The following SLC45A3 variants were observed in gnomAD, a reference collection of about 807,000 sequenced individuals.
SLC45A3 encodes solute carrier family 45 member 3, also known as prostate cancer associated protein 2.
Under a neutral mutation model 35.3 loss-of-function variants are expected in SLC45A3, and 17 were observed. That is an observed-to-expected ratio of 0.48 (90% CI 0.33 to 0.72). The LOEUF is 0.72. Ranked by LOEUF, SLC45A3 falls within the 30% of genes least tolerant of loss-of-function variation. The probability of loss-of-function intolerance (pLI) is 0.02; values close to 1 mark genes in which losing one functional copy is unlikely to be tolerated. For synonymous variants in SLC45A3, 288 were observed against 334.3 expected (o/e 0.86, Z 1.51); for missense variants, 597 against 731.7 (o/e 0.82, Z 2.12).
chr1:205,662,773 C>A lies in SLC45A3; in HGVS notation c.958+60G>T. 6.6e-7 allele frequency: 1 copy of A among 1,518,994 alleles called. No individual in the cohort carries two copies. The allele number at this position is 1,518,994 out of a possible 1,614,324, so 94.1% of individuals were successfully genotyped here. ...AGAGGCACCAGCCCAGACACAGCCC[C>A]GAGTGTCGTCTCTGGTGGGCGGCTC... On this transcript the variant is annotated intron_variant, in intron 3 of 4. Coordinates refer to ENST00000367145, the MANE Select transcript of SLC45A3 (RefSeq NM_033102.3). The surrounding 1 kb of genome is among the most constrained non-coding windows in gnomAD (Gnocchi z 6.2).
chr1:205,664,405 C>T lies in SLC45A3; in HGVS notation c.172+80G>A. The T allele has an allele frequency of 6.4e-7, 1 of 1,559,056 alleles. No homozygotes were observed. On this transcript the variant is annotated intron_variant, in intron 2 of 4. Transcript: ENST00000367145. This position sits in a 1 kb window ranked among gnomAD's most constrained non-coding sequence, Gnocchi z 5.3. ...AGACCACCTCTCCCTCCAAGCAGCT[C>T]CCAGGGCAGAGGTACTCCTGTCCCA...
At chr1:205,670,315 C>G (rs1192704100) in intron 1 of SLC45A3, among the ~76,000 whole-genome samples, 1 of 152,174 alleles carries the variant, frequency 6.6e-6, no homozygotes, top group Non-Finnish European at 1.5e-5. Context: ...TGGTGACTCC[C>G]AACCCACTCA....
chr1:205,673,527 G>A (rs926429300), intron 1 of SLC45A3, among the ~76,000 whole-genome samples: 5 of 152,194 alleles, frequency 3.3e-5, no homozygotes, highest in African/African-American at 1.2e-4. Context: ...CTTAGGAGGT[G>A]AGGTATACAG....
chr1:205,678,179 T>C (rs186231462), intron 1 of SLC45A3, among the ~76,000 whole-genome samples: 58 of 152,162 alleles, frequency 3.8e-4, no homozygotes, highest in African/African-American at 1.4e-3. Flanking sequence ...TAGCCAGGCA[T>C]GGTGGTGGGT....
chr1:205,672,866 C>T (rs964304092), intron 1 of SLC45A3, among the ~76,000 whole-genome samples: 7 of 152,304 alleles, frequency 4.6e-5, no homozygotes, highest in East Asian at 1.9e-4. Context: ...CCCCTACCCC[C>T]GGCAGTTGCT....
At chr1:205,665,043 A>T (rs1671097123) in intron 1 of SLC45A3, among the ~76,000 whole-genome samples, 157 bp from the exon 2 acceptor site, 1 of 152,236 alleles carries the variant, frequency 6.6e-6, no homozygotes, top group African/African-American at 2.4e-5. Context: ...CAGGAAATGC[A>T]TGTTAATATT....
In SLC45A3 at chr1:205,669,856, C is replaced by T. The variant is rs1671180355; in HGVS notation, c.-230-4970G>A. On this transcript the variant is annotated intron_variant, in intron 1 of 4. Transcript: ENST00000367145. This position sits in a 1 kb window ranked among gnomAD's most constrained non-coding sequence, Gnocchi z 4.1. ...GGTGGGGTCACCCTGGGCCAACCTCCCGGACACACACCCCACCAAGGCTGC... is the reference window on the plus strand; with the variant it reads ...GGTGGGGTCACCCTGGGCCAACCTCTCGGACACACACCCCACCAAGGCTGC... Among the ~76,000 whole-genome samples the T allele has an allele frequency of 6.6e-6, 1 of 152,168 alleles. No homozygotes were observed. Among genetic ancestry groups the T allele is most frequent in the African/African-American group, 2.4e-5 (1 of 41,452 alleles).
Position 205,664,435 on chromosome 1 carries a change from C to G in SLC45A3, c.172+50G>C. ...GGCAGAGGTACTCCTGTCCCACATG[C>G]CAGGTGGCATGTATCTGGAACAGGA... On this transcript the variant is annotated intron_variant, in intron 2 of 4. Coordinates refer to ENST00000367145, the MANE Select transcript of SLC45A3 (RefSeq NM_033102.3). The surrounding 1 kb of genome is among the most constrained non-coding windows in gnomAD (Gnocchi z 5.3). 1 of 1,602,018 alleles carries G rather than the reference C, an allele frequency of 6.2e-7. No individual in the cohort carries two copies. The highest frequency in any genetic ancestry group is 1.1e-5 in the South Asian group (1 of 89,372).
chr1:205,662,506 G>T lies in SLC45A3; in HGVS notation c.958+327C>A. 4 of 1,286,852 alleles carry T rather than the reference G, an allele frequency of 3.1e-6. No individual in the cohort carries two copies. The highest frequency in any genetic ancestry group is 3.9e-6 in the Non-Finnish European group (4 of 1,017,888). The allele number at this position is 1,286,852 out of a possible 1,614,324, so 79.7% of individuals were successfully genotyped here. A position where few individuals can be genotyped will look rare whatever the true frequency, so the allele number is the denominator to read the frequency against. ...TGGAAAGTCGTTGGGGGAGCAGAGG[G>T]CACACTGCGGCTGGAACCAGGCAGA... On this transcript the variant is annotated intron_variant, in intron 3 of 4. Coordinates refer to ENST00000367145, the MANE Select transcript of SLC45A3 (RefSeq NM_033102.3). The surrounding 1 kb of genome is among the most constrained non-coding windows in gnomAD (Gnocchi z 6.2).
At chr1:205,671,113 C>T (rs1671208178) in intron 1 of SLC45A3, among the ~76,000 whole-genome samples, 1 of 152,224 alleles carries the variant, frequency 6.6e-6, no homozygotes, top group South Asian at 2.1e-4. Context: ...CCTCCCCTCC[C>T]CTCTCCTACC....
At chr1:205,679,866 G>C (rs879673072) in intron 1 of SLC45A3, among the ~76,000 whole-genome samples, 2 of 151,940 alleles carry the variant, frequency 1.3e-5, no homozygotes, top group East Asian at 3.9e-4. Context: ...CGCGGCCGTC[G>C]GCTCCCGTCC....
intron 4 of SLC45A3, 99 bp downstream of exon 4, chr1:205,661,761 TC>T: frequency 1.3e-6 from 2 of 1,494,298 alleles, no homozygotes; most frequent in South Asian, 2.7e-5. Context: ...AGAAGCATTC[TC>T]CAAAGTTGCT....
At chr1:205,674,603 A>C (rs12760167) in intron 1 of SLC45A3, among the ~76,000 whole-genome samples, 3 of 35,250 alleles carry the variant, frequency 8.5e-5, no homozygotes, top group Non-Finnish European at 1.7e-4. Context: ...ATGCTGTTTC[A>C]AAAAAAAAAA....
At chr1:205,670,910 G>A (rs757096695) in intron 1 of SLC45A3, among the ~76,000 whole-genome samples, 2 of 152,220 alleles carry the variant, frequency 1.3e-5, no homozygotes, top group Non-Finnish European at 2.9e-5. Context: ...ACTGGGAAAA[G>A]GGCAATGGCT....
At chr1:205,660,462 T>C (rs914575709) in intron 4 of SLC45A3, among the ~76,000 whole-genome samples, 4 of 152,032 alleles carry the variant, frequency 2.6e-5, no homozygotes, top group African/African-American at 9.6e-5. Flanking sequence ...GCCAGAAGAG[T>C]TGAGTTGGCT....
In SLC45A3 at chr1:205,678,077, G is replaced by A. The variant is rs545293004; in HGVS notation, c.-231+2317C>T. On this transcript the variant is annotated intron_variant, in intron 1 of 4. Transcript: ENST00000367145. ...CACACCTGTAATCCCAGCACTTTGG[G>A]AGGCTGAGGCGGGTGGATCACCTGA... 2.6e-5 allele frequency among the ~76,000 whole-genome samples: 4 copies of A among 152,288 alleles called. No individual in the cohort carries two copies. In the East Asian group the frequency reaches 7.7e-4, roughly 29 times the overall value.
intron 1 of SLC45A3, among the ~76,000 whole-genome samples, chr1:205,667,108 T>G (rs1671131376): frequency 6.6e-6 from 1 of 152,124 alleles, no homozygotes; most frequent in East Asian, 1.9e-4. Context: ...GTGGCTCACA[T>G]CTGTAATCTC....
Position 205,664,356 on chromosome 1 carries a change from C to T in SLC45A3, c.172+129G>A. 1 of 1,266,438 alleles carries T rather than the reference C, an allele frequency of 7.9e-7. No individual in the cohort carries two copies. The highest frequency in any genetic ancestry group is 1.1e-6 in the Non-Finnish European group (1 of 897,832). 78.5% of individuals were successfully genotyped at this position (1,266,438 alleles called of 1,614,324 possible). ...TGCCCCCTCAGCCCAGGGTCACCCT[C>T]CTGCCCAGCAATGCCTTCCCAGCAG... On this transcript the variant is annotated intron_variant, in intron 2 of 4. Transcript: ENST00000367145. This position sits in a 1 kb window ranked among gnomAD's most constrained non-coding sequence, Gnocchi z 5.3.
chr1:205,661,490 C>T lies in SLC45A3; in HGVS notation c.1224+371G>A, dbSNP rs16856097. On this transcript the variant is annotated intron_variant, in intron 4 of 4. Transcript: ENST00000367145. ...TGCTAAGGCTGGACCATTCCCACTC[C>T]CGTCTGCTGAGGCTGAATGGCCCAG... Among the ~76,000 whole-genome samples, 725 of 152,258 alleles carry T rather than the reference C, an allele frequency of 4.8e-3. 5 individuals carry two copies. Among genetic ancestry groups the T allele is most frequent in the African/African-American group, 0.016 (666 of 41,532 alleles).
Sources: allele counts gnomAD v4.1 joint callset (sites outside exome capture counted in the v4.1 genomes callset), GRCh38; gene constraint gnomAD v4.1.1; non-coding constraint Gnocchi (gnomAD v3.1); transcripts MANE v1.5; gene names NCBI Gene and HGNC (gene_info 2026-07-23, HGNC 2026-07-21).